The following MYO9A variants were observed in gnomAD, a reference collection of about 807,000 sequenced individuals.
MYO9A encodes unconventional myosin-IXa.
MYO9A carries 103 observed loss-of-function variants against 293.3 expected under a neutral mutation model. That is an observed-to-expected ratio of 0.35 (90% CI 0.30 to 0.41). MYO9A has a LOEUF of 0.41. Among genes scored for constraint, MYO9A ranks in the 10% least tolerant of loss-of-function variants. The probability of loss-of-function intolerance (pLI) is 1.00; values close to 1 mark genes in which losing one functional copy is unlikely to be tolerated. For synonymous variants in MYO9A, 1,001 were observed against 1,035.7 expected, an observed-to-expected ratio of 0.97 and a Z score of 0.64; for missense variants, 2,685 against 3,033.0, an observed-to-expected ratio of 0.89 and a Z score of 2.69.
chr15:71,952,826 T>G (rs956009709), intron 14 of MYO9A, among the ~76,000 whole-genome samples: 1 of 152,194 alleles, frequency 6.6e-6, no homozygotes, highest in Non-Finnish European at 1.5e-5. Flanking sequence ...AGGAATGAGA[T>G]ACAACAGAAC....
intron 18 of MYO9A, among the ~76,000 whole-genome samples, chr15:71,930,455 G>T (rs530706106): frequency 6.6e-6 from 1 of 151,958 alleles, no homozygotes; most frequent in African/African-American, 2.4e-5. Context: ...ATTATATGTT[G>T]ACCTTCTTTA....
intron 32 of MYO9A, among the ~76,000 whole-genome samples, chr15:71,873,242 A>T (rs1365890817): frequency 6.6e-6 from 1 of 152,110 alleles, no homozygotes; most frequent in South Asian, 2.1e-4. Context: ...TTTACTTAAC[A>T]AAACATCTTG....
chr15:71,932,601 A>G (rs1013063212), intron 18 of MYO9A, among the ~76,000 whole-genome samples: 1 of 151,424 alleles, frequency 6.6e-6, no homozygotes, highest in African/African-American at 2.4e-5. Context: ...CAATGGCTAG[A>G]GAAGTATACA....
At chr15:71,978,087 G>A in intron 12 of MYO9A, 84 bp downstream of exon 12, 6 of 1,472,768 alleles carry the variant, frequency 4.1e-6, no homozygotes, top group Admixed American at 2.2e-5. Flanking sequence ...CTCTTTATTT[G>A]GTAATGTAAG....
At chr15:71,828,130 G>C (rs1055813578) in intron 40 of MYO9A, 104 bp from the exon 41 acceptor site, 3 of 1,351,802 alleles carry the variant, frequency 2.2e-6, no homozygotes, top group African/African-American at 1.5e-5. Flanking sequence ...GAAGCAAAGA[G>C]AGTCCATTTT....
intron 1 of MYO9A, among the ~76,000 whole-genome samples, chr15:72,100,952 G>C (rs56295239): frequency 0.93 from 111,099 of 119,442 alleles, 52,212 homozygotes; most frequent in East Asian, 0.99. Context: ...GCCAGCCGCC[G>C]CGTCCCGGAG....
At chr15:71,918,933 T>C (rs1021055681) in intron 18 of MYO9A, among the ~76,000 whole-genome samples, 1 of 152,218 alleles carries the variant, frequency 6.6e-6, no homozygotes, top group African/African-American at 2.4e-5. Context: ...TTGCTTGGAA[T>C]ACTCTATAGC....
intron 40 of MYO9A, 135 bp downstream of exon 40, chr15:71,829,974 C>T (rs1347200221): frequency 2.1e-6 from 2 of 966,234 alleles, no homozygotes; most frequent in Non-Finnish European, 3.2e-6. Context: ...TCTTTGTCAT[C>T]TCAACATCTC....
At chr15:71,840,822 A>G (rs1317856890) in intron 39 of MYO9A, among the ~76,000 whole-genome samples, 1 of 152,112 alleles carries the variant, frequency 6.6e-6, no homozygotes, top group Non-Finnish European at 1.5e-5. Context: ...TAGTAGAGAC[A>G]GGGTTTCACC....
chr15:72,031,982 C>T (rs2077886256), intron 3 of MYO9A, among the ~76,000 whole-genome samples: 1 of 152,288 alleles, frequency 6.6e-6, no homozygotes, highest in African/African-American at 2.4e-5. Context: ...TCTCAGCTCA[C>T]TGCAACCTCC....
At chr15:72,114,717 AG>A (rs1261566325) in intron 1 of MYO9A, among the ~76,000 whole-genome samples, 7 of 152,350 alleles carry the variant, frequency 4.6e-5, no homozygotes, top group Admixed American at 2.0e-4. Flanking sequence ...GTGCTTTTAC[AG>A]GGGTCTAGAG....
intron 8 of MYO9A, among the ~76,000 whole-genome samples, chr15:72,003,806 T>C (rs895435573): frequency 6.6e-6 from 1 of 151,944 alleles, no homozygotes; most frequent in African/African-American, 2.4e-5. Context: ...CAAGCCAGAT[T>C]TGAAAATCCT....
At chr15:71,878,420 T>G (rs1198498354) in intron 30 of MYO9A, among the ~76,000 whole-genome samples, 189 bp from the exon 31 acceptor site, 5 of 152,212 alleles carry the variant, frequency 3.3e-5, no homozygotes, top group Admixed American at 6.5e-5. Flanking sequence ...GAATGCAGAA[T>G]CAAACATGCT....
rs2080001936 is a variant in MYO9A, at chr15:72,094,072, C to A, written c.-72+23608G>T. On this transcript the variant is annotated intron_variant, in intron 1 of 41. Transcript: ENST00000356056. ...AAAAAACATATAAGAAAGCCAGACA[C>A]GGTGGCTCGTAGCTATAATCCCAGG... Among the ~76,000 whole-genome samples the A allele has an allele frequency of 3.3e-5, 3 of 90,192 alleles. 1 individual carries two copies. The highest frequency in any genetic ancestry group is 1.0e-4 in the Non-Finnish European group (3 of 29,790). The allele number at this position is 90,192 out of a possible 152,430, so 59.2% of individuals were successfully genotyped here.
chr15:72,010,716 A>G (rs1278657137), intron 6 of MYO9A, among the ~76,000 whole-genome samples: 1 of 152,180 alleles, frequency 6.6e-6, no homozygotes, highest in African/African-American at 2.4e-5. Context: ...TTAACTTAAG[A>G]TAAAGAGTTA....
At position 71,901,418 on chromosome 15, in the gene MYO9A, A is replaced by G. The variant is rs1275516137; in HGVS notation, c.3001-78T>C. ...TATTTCATGAATCATCCTTTCTGTG[A>G]TAAGCTTTTAGAGAAGAACAAACAC... On this transcript the variant is annotated intron_variant, in intron 22 of 41. Transcript: ENST00000356056. 3.5e-6 allele frequency: 5 copies of G among 1,430,270 alleles called. No individual in the cohort carries two copies. The East Asian group carries it at 9.9e-5, about 28-fold the overall frequency. The allele number at this position is 1,430,270 out of a possible 1,614,324, so 88.6% of individuals were successfully genotyped here.
At position 71,925,486 on chromosome 15, in the gene MYO9A, A is replaced by G. The variant is rs546390600; in HGVS notation, c.2562+8184T>C. 1.5e-4 allele frequency among the ~76,000 whole-genome samples: 23 copies of G among 151,370 alleles called. 1 individual carries two copies. In the South Asian group the frequency reaches 4.8e-3, roughly 32 times the overall value. On this transcript the variant is annotated intron_variant, in intron 18 of 41. Coordinates refer to ENST00000356056, the MANE Select transcript of MYO9A (RefSeq NM_006901.4). ...AACCTTTCTTCCTCTCTTACTATTT[A>G]TCTGTCTGTTTTGGTGGTTTTCTGG... is the stretch of plus-strand genomic sequence containing the variant.
rs542744844 is a variant in MYO9A, at chr15:71,824,712, T to C, written c.*1868A>G. ...CAAGGTGGCAGATGTCTGTGGGATA[T>C]AAAGCATAACATTTGCTCATTAACT... On this transcript the variant is annotated 3_prime_UTR_variant, in exon 42 of 42. Transcript: ENST00000356056. The C allele has an allele frequency of 6.6e-6, 1 of 152,242 alleles. No homozygotes were observed. The highest frequency in any genetic ancestry group is 2.4e-5 in the African/African-American group (1 of 41,464). 9.4% of individuals were successfully genotyped at this position (152,242 alleles called of 1,614,324 possible).
At chr15:71,861,388 G>A (rs960406509) in intron 33 of MYO9A, among the ~76,000 whole-genome samples, 16 of 150,914 alleles carry the variant, frequency 1.1e-4, no homozygotes, top group Non-Finnish European at 1.9e-4. Context: ...CTGTAAGCCA[G>A]AACCAAGTTG....
Sources: allele counts gnomAD v4.1 joint callset (sites outside exome capture counted in the v4.1 genomes callset), GRCh38; gene constraint gnomAD v4.1.1; transcripts MANE v1.5; gene names NCBI Gene and HGNC (gene_info 2026-07-23, HGNC 2026-07-21).